Variants in TMEM63B observed in about 807,000 individuals in gnomAD.
The protein encoded by TMEM63B is transmembrane protein 63B.
In TMEM63B, 23 loss-of-function variants were observed where a neutral mutation model predicts 102.6. The observed-to-expected ratio is 0.22, with a 90% CI of 0.16 to 0.32. TMEM63B has a LOEUF of 0.32. Among genes scored for constraint, TMEM63B ranks in the 10% least tolerant of loss-of-function variants. The pLI, the probability that TMEM63B is intolerant of heterozygous loss-of-function variation, is 1.00. For synonymous variants in TMEM63B, 444 were observed against 437.0 expected, an observed-to-expected ratio of 1.02 and a Z score of -0.20; for missense variants, 628 against 1,095.9, an observed-to-expected ratio of 0.57 and a Z score of 6.03.
At position 44,155,082 on chromosome 6, in the gene TMEM63B, C is replaced by A. The variant is rs527806907; in HGVS notation, c.*199C>A. On this transcript the variant is annotated 3_prime_UTR_variant, in exon 24 of 24. Transcript: ENST00000323267. ...GCCCCCCAACCTCAGTGAGGAGAGC[C>A]CCGAGCCGGCCCCGGGGCAAAGAGG... is the stretch of plus-strand genomic sequence containing the variant. 2.3e-5 allele frequency: 11 copies of A among 480,264 alleles called. 1 individual carries two copies. In the South Asian group the frequency reaches 4.4e-4, roughly 19 times the overall value. The allele number at this position is 480,264 out of a possible 1,614,324, so 29.8% of individuals were successfully genotyped here.
At chr6:44,149,037 G>C (rs764110162) in intron 15 of TMEM63B, 92 bp downstream of exon 15, 1 of 1,586,130 alleles carries the variant, frequency 6.3e-7, no homozygotes, top group East Asian at 2.2e-5. Context: ...AGCCCAGCCC[G>C]TTCTGCTTGT....
At chr6:44,130,640 G>A (rs944260994) in intron 1 of TMEM63B, among the ~76,000 whole-genome samples, 1 of 151,770 alleles carries the variant, frequency 6.6e-6, no homozygotes, top group Non-Finnish European at 1.5e-5. Flanking sequence ...TTGTAGAGAC[G>A]GGGTTTTGCT....
In TMEM63B at chr6:44,155,143, A is replaced by C; in HGVS notation, c.*260A>C. On this transcript the variant is annotated 3_prime_UTR_variant, in exon 24 of 24. Coordinates refer to ENST00000323267, the MANE Select transcript of TMEM63B (RefSeq NM_018426.3). ...GAGTTCCCCCAGATCAGTACCCCCC[A>C]CCCCTCCCCAGCTAGTAGCATGACC... The C allele has an allele frequency of 3.5e-6, 1 of 286,564 alleles. No homozygotes were observed. The highest frequency in any genetic ancestry group is 6.5e-6 in the Non-Finnish European group (1 of 154,662). The allele number at this position is 286,564 out of a possible 1,614,324, so 17.8% of individuals were successfully genotyped here.
In TMEM63B at chr6:44,155,142, C is replaced by A. The variant is rs3087926; in HGVS notation, c.*259C>A. On this transcript the variant is annotated 3_prime_UTR_variant, in exon 24 of 24. Coordinates refer to ENST00000323267, the MANE Select transcript of TMEM63B (RefSeq NM_018426.3). ...GGAGTTCCCCCAGATCAGTACCCCCCACCCCTCCCCAGCTAGTAGCATGAC... is the reference window on the plus strand; with the variant it reads ...GGAGTTCCCCCAGATCAGTACCCCCAACCCCTCCCCAGCTAGTAGCATGAC... 0.14 allele frequency: 42,411 copies of A among 301,806 alleles called. 3,321 individuals carry two copies. Among genetic ancestry groups the A allele is most frequent in the Admixed American group, 0.2 (3,933 of 19,924 alleles). 18.7% of individuals were successfully genotyped at this position (301,806 alleles called of 1,614,324 possible). A position where few individuals can be genotyped will look rare whatever the true frequency, so the allele number is the denominator to read the frequency against.
At chr6:44,128,625 C>T (rs760513942) in intron 1 of TMEM63B, among the ~76,000 whole-genome samples, 1 of 152,254 alleles carries the variant, frequency 6.6e-6, no homozygotes, top group Non-Finnish European at 1.5e-5. Context: ...CGGGGCAAGC[C>T]TGAGCACTCC....
intron 6 of TMEM63B, chr6:44,138,736 G>GTCCTCCCCC: frequency 3.6e-6 from 1 of 280,538 alleles, no homozygotes; most frequent in Non-Finnish European, 6.9e-6. Flanking sequence ...CCCCCTGCCG[G>GTCCTCCCCC]CCCCCCCGCT....
intron 1 of TMEM63B, chr6:44,127,940 G>A (rs1309519517): frequency 6.6e-6 from 1 of 151,590 alleles, no homozygotes; most frequent in Admixed American, 6.6e-5. Flanking sequence ...AGATCCCAAA[G>A]GGTGGGACCC....
chr6:44,133,852 CAT>C (rs1320495716), intron 1 of TMEM63B, among the ~76,000 whole-genome samples: 6 of 152,234 alleles, frequency 3.9e-5, no homozygotes, highest in Non-Finnish European at 8.8e-5. Flanking sequence ...TTGTAGTGCT[CAT>C]AACACTCAGG....
At chr6:44,129,577 G>C (rs1287837633) in intron 1 of TMEM63B, among the ~76,000 whole-genome samples, 1 of 152,054 alleles carries the variant, frequency 6.6e-6, no homozygotes, top group African/African-American at 2.4e-5. Flanking sequence ...CAGATGGATG[G>C]GGTATGTTCA....
chr6:44,146,449 G>GTTTTTTTTTTT, intron 10 of TMEM63B, among the ~76,000 whole-genome samples: 1 of 150,216 alleles, frequency 6.7e-6, no homozygotes, highest in East Asian at 2.1e-4. Flanking sequence ...GGAGATGTGG[G>GTTTTTTTTTTT]TTTTTTTGTC....
At chr6:44,129,851 T>A (rs547979221) in intron 1 of TMEM63B, among the ~76,000 whole-genome samples, 129 of 152,332 alleles carry the variant, frequency 8.5e-4, no homozygotes, top group African/African-American at 2.7e-3. Context: ...ACATAAGTCA[T>A]CTTGTTTAAT....
intron 4 of TMEM63B, 150 bp downstream of exon 4, chr6:44,135,516 C>A: frequency 2.0e-6 from 2 of 996,798 alleles, no homozygotes; most frequent in Non-Finnish European, 2.9e-6. Flanking sequence ...AGGCGGTGTG[C>A]TTTGCAGAGC....
chr6:44,154,954 A>T lies in TMEM63B; in HGVS notation c.*71A>T. On this transcript the variant is annotated 3_prime_UTR_variant, in exon 24 of 24. Coordinates refer to ENST00000323267, the MANE Select transcript of TMEM63B (RefSeq NM_018426.3). Reference sequence around the variant, plus strand: ...CCACTCCCACGGACACTAAAACGCTAATAATTTATTAGATCTAAAGCCCCT... The same window carrying T: ...CCACTCCCACGGACACTAAAACGCTTATAATTTATTAGATCTAAAGCCCCT... 2.9e-6 allele frequency: 4 copies of T among 1,366,070 alleles called. No homozygotes were observed. The highest frequency in any genetic ancestry group is 2.9e-6 in the Non-Finnish European group (3 of 1,027,834). 84.6% of individuals were successfully genotyped at this position (1,366,070 alleles called of 1,614,324 possible).
chr6:44,147,432 G>A lies in TMEM63B; in HGVS notation c.919G>A (p.Val307Met), dbSNP rs4714759. The A allele has an allele frequency of 0.11, 178,306 of 1,614,062 alleles. 10,856 individuals carry two copies. The highest frequency in any genetic ancestry group is 0.25 in the East Asian group (11,135 of 44,868). ...YFTNLQSKEN[V>M]PTMINPKPCG... is the part of the protein sequence containing the mutation. ...CACAAACCTCCAGAGCAAGGAGAACGTGCCTACCATGATCAACCCCAAGCC... is the reference window on the plus strand; with the variant it reads ...CACAAACCTCCAGAGCAAGGAGAACATGCCTACCATGATCAACCCCAAGCC... The change falls in exon 12 of 24, where the codon GTG (valine) becomes ATG (methionine). Residue 307 changes from valine to methionine, a missense_variant. Val to Met is a conservative substitution (Grantham distance 21, BLOSUM62 1). Around this residue, in one of 6 missense-constraint regions of TMEM63B, gnomAD observed 336 missense variants for 580.3 expected, o/e 0.58. Coordinates refer to ENST00000323267, the MANE Select transcript of TMEM63B (RefSeq NM_018426.3).
intron 10 of TMEM63B, among the ~76,000 whole-genome samples, chr6:44,143,626 G>A (rs1764754994): frequency 6.6e-6 from 1 of 152,118 alleles, no homozygotes; most frequent in Admixed American, 6.5e-5. Flanking sequence ...CCTGCTATGT[G>A]CCTGCTTGGG....
At chr6:44,144,971 G>A (rs1765043472) in intron 10 of TMEM63B, among the ~76,000 whole-genome samples, 2 of 151,970 alleles carry the variant, frequency 1.3e-5, no homozygotes, top group Non-Finnish European at 2.9e-5. Context: ...AACAGTGCAT[G>A]ATCAGATTTA....
intron 1 of TMEM63B, among the ~76,000 whole-genome samples, chr6:44,131,642 C>G (rs1185978075): frequency 6.6e-6 from 1 of 152,068 alleles, no homozygotes; most frequent in African/African-American, 2.4e-5. Flanking sequence ...TCCCTTGAAC[C>G]CAGGAGGCAG....
At chr6:44,154,030 C>T (rs1192762561) in intron 21 of TMEM63B, 43 bp from the exon 22 acceptor site, 3 of 1,594,902 alleles carry the variant, frequency 1.9e-6, no homozygotes, top group Admixed American at 3.3e-5. Flanking sequence ...GGTGGGGAGG[C>T]CCACAGGAGA....
At position 44,150,381 on chromosome 6, in the gene TMEM63B, C is replaced by A; in HGVS notation, c.1607+71C>A. 6.6e-7 allele frequency: 1 copy of A among 1,507,594 alleles called. No individual in the cohort carries two copies. Among genetic ancestry groups the A allele is most frequent in the African/African-American group, 1.4e-5 (1 of 72,772 alleles). 93.4% of individuals were successfully genotyped at this position (1,507,594 alleles called of 1,614,324 possible). On this transcript the variant is annotated intron_variant, in intron 17 of 23. Transcript: ENST00000323267. The surrounding 1 kb of genome is among the most constrained non-coding windows in gnomAD (Gnocchi z 4.7). ...GGATAGGGAGAGGAGAGCAGTTCAG[C>A]CTCCCTACCTCCCCTACAAAGCAAG... is the stretch of plus-strand genomic sequence containing the variant.
Sources: gnomAD v4.1 joint callset for allele counts (sites outside exome capture counted in the v4.1 genomes callset) on GRCh38, gnomAD v4.1.1 for gene constraint, gnomAD v4.1.1 regional missense constraint, Gnocchi (gnomAD v3.1) non-coding constraint, MANE v1.5 for transcripts, NCBI Gene and HGNC (gene_info 2026-07-23, HGNC 2026-07-21) for gene names.